KCNQ1: variants seen among roughly 807,000 people sequenced by gnomAD.
KCNQ1 encodes the protein potassium voltage-gated channel subfamily KQT member 1.
Under a neutral mutation model 72.4 loss-of-function variants are expected in KCNQ1, and 49 were observed. The observed-to-expected ratio is 0.68, with a 90% CI of 0.54 to 0.86. KCNQ1 has a LOEUF of 0.86. KCNQ1 is among the 40% of genes least tolerant of loss of function. The probability of loss-of-function intolerance (pLI) is 0.00; values close to 1 mark genes in which losing one functional copy is unlikely to be tolerated. For synonymous variants in KCNQ1, 450 were observed against 412.6 expected (o/e 1.09, Z -1.10); for missense variants, 790 against 945.1 (o/e 0.84, Z 2.15).
chr11:2,616,664 G>A (rs145196425), intron 10 of KCNQ1: 1 of 398,180 alleles, frequency 2.5e-6, no homozygotes, highest in Non-Finnish European at 4.4e-6. Context: ...TAAAGAGTGT[G>A]TAGTTTTATT....
At chr11:2,629,809 C>A in intron 10 of KCNQ1, 1 of 397,934 alleles carries the variant, frequency 2.5e-6, no homozygotes, top group Non-Finnish European at 4.4e-6. Context: ...ATTATTACTT[C>A]TAACAGGTTT....
intron 10 of KCNQ1, chr11:2,638,227 CT>C (rs1211986248): frequency 1.3e-5 from 2 of 152,152 alleles, no homozygotes. Flanking sequence ...ATGATGTTAG[CT>C]GGTTATTTTG....
chr11:2,452,671 T>G (rs1846133366), intron 1 of KCNQ1, among the ~76,000 whole-genome samples: 1 of 152,260 alleles, frequency 6.6e-6, no homozygotes. Flanking sequence ...GAGTCACGTC[T>G]GTGCTCTTGG....
chr11:2,610,825 C>A, intron 10 of KCNQ1: 1 of 370,948 alleles, frequency 2.7e-6, no homozygotes, highest in South Asian at 1.4e-4. Context: ...CCACATTTGT[C>A]TCCCTGACAC....
At position 2,678,859 on chromosome 11, in the gene KCNQ1, A is replaced by T. The variant is rs1015700383; in HGVS notation, c.1514+16778A>T. 1 of 398,640 alleles carries T rather than the reference A, an allele frequency of 2.5e-6. No individual in the cohort carries two copies. Among genetic ancestry groups the T allele is most frequent in the East Asian group, 3.6e-5 (1 of 28,078 alleles). The allele number at this position is 398,640 out of a possible 1,614,324, so 24.7% of individuals were successfully genotyped here. On this transcript the variant is annotated intron_variant, in intron 11 of 15. Coordinates refer to ENST00000155840, the MANE Select transcript of KCNQ1 (RefSeq NM_000218.3). This position sits in a 1 kb window ranked among gnomAD's most constrained non-coding sequence, Gnocchi z 4.9. ...AAGGCAGAATCCAGGTCGGGGGTGC[A>T]CAGGAGTTGCCAGCTGGACCCAAGG...
In KCNQ1 at chr11:2,661,791, T is replaced by C. The variant is rs1590014661; in HGVS notation, c.1394-170T>C. 2 of 761,524 alleles carry C rather than the reference T, an allele frequency of 2.6e-6. No individual in the cohort carries two copies. The highest frequency in any genetic ancestry group is 5.3e-5 in the East Asian group (2 of 37,416). 47.2% of individuals were successfully genotyped at this position (761,524 alleles called of 1,614,324 possible). On this transcript the variant is annotated intron_variant, in intron 10 of 15. Coordinates refer to ENST00000155840, the MANE Select transcript of KCNQ1 (RefSeq NM_000218.3). This position sits in a 1 kb window ranked among gnomAD's most constrained non-coding sequence, Gnocchi z 5.9. ...AGGTGTCAGGCACTTTGGGGCCATC[T>C]TAAACACCCACCCACCCCAACACCC...
chr11:2,847,638 G>A lies in KCNQ1; in HGVS notation c.1795-129G>A, dbSNP rs79788804. On this transcript the variant is annotated intron_variant, in intron 15 of 15. Transcript: ENST00000155840. ...TAGGGTGCACACGTGCGTGCCGCCT[G>A]CATACAGCATGCACTTGCAGAGACG... 0.072 allele frequency: 60,664 copies of A among 843,118 alleles called. 3,130 individuals are homozygous for A. The highest frequency in any genetic ancestry group is 0.2 in the Admixed American group (9,452 of 48,048). 52.2% of individuals were successfully genotyped at this position (843,118 alleles called of 1,614,324 possible).
chr11:2,755,171 C>T (rs1018410070), intron 11 of KCNQ1, among the ~76,000 whole-genome samples: 1 of 148,954 alleles, frequency 6.7e-6, no homozygotes, highest in Non-Finnish European at 1.5e-5. Context: ...CATGTTCCTC[C>T]TCTCTGACAT....
chr11:2,761,438 A>G (rs974519305), intron 11 of KCNQ1, among the ~76,000 whole-genome samples: 1 of 152,004 alleles, frequency 6.6e-6, no homozygotes, highest in African/African-American at 2.4e-5. Context: ...ACGGGATGGG[A>G]GCATGGCAGG....
chr11:2,577,462 CGGCCTGG>C (rs908920068), intron 6 of KCNQ1, among the ~76,000 whole-genome samples: 28 of 152,328 alleles, frequency 1.8e-4, no homozygotes, highest in Admixed American at 1.3e-3. Context: ...GGGGAAGACG[CGGCCTGG>C]GGCCTGGGTG....
chr11:2,802,495 G>A (rs573544989), intron 15 of KCNQ1, among the ~76,000 whole-genome samples: 2 of 152,352 alleles, frequency 1.3e-5, no homozygotes, highest in East Asian at 3.9e-4. Flanking sequence ...GACTCCAGGA[G>A]CTGGGGGCCT....
At chr11:2,587,452 C>A in intron 8 of KCNQ1, 118 bp from the exon 9 acceptor site, 1 of 1,456,780 alleles carries the variant, frequency 6.9e-7, no homozygotes, top group South Asian at 1.2e-5. Context: ...GTCCCAGACC[C>A]TGCCACCCAG....
At position 2,674,824 on chromosome 11, in the gene KCNQ1, C is replaced by T; in HGVS notation, c.1514+12743C>T. 2.8e-6 allele frequency: 1 copy of T among 354,882 alleles called. No individual in the cohort carries two copies. The highest frequency in any genetic ancestry group is 4.7e-6 in the Non-Finnish European group (1 of 214,996). The allele number at this position is 354,882 out of a possible 1,614,324, so 22.0% of individuals were successfully genotyped here. Reference sequence around the variant, plus strand: ...TTGGAAAGGCTTGTCACCCTAATAGCTGTTTTTTAAAAAAAAAAAAAAAAA... The same window carrying T: ...TTGGAAAGGCTTGTCACCCTAATAGTTGTTTTTTAAAAAAAAAAAAAAAAA... On this transcript the variant is annotated intron_variant, in intron 11 of 15. Coordinates refer to ENST00000155840, the MANE Select transcript of KCNQ1 (RefSeq NM_000218.3). The surrounding 1 kb of genome is among the most constrained non-coding windows in gnomAD (Gnocchi z 5.9).
chr11:2,558,110 T>A (rs1848098411), intron 2 of KCNQ1, among the ~76,000 whole-genome samples: 1 of 152,218 alleles, frequency 6.6e-6, no homozygotes, highest in Non-Finnish European at 1.5e-5. Context: ...ATGTGGGAAG[T>A]GCGGGCCCTG....
chr11:2,776,821 G>A (rs1167253878), intron 13 of KCNQ1, among the ~76,000 whole-genome samples, 165 bp from the exon 14 acceptor site: 1 of 152,236 alleles, frequency 6.6e-6, no homozygotes, highest in African/African-American at 2.4e-5. Context: ...GGCCCTCTGG[G>A]GGGTTGGGAG....
chr11:2,620,893 G>A lies in KCNQ1; in HGVS notation c.1393+32039G>A, dbSNP rs191050231. On this transcript the variant is annotated intron_variant, in intron 10 of 15. Transcript: ENST00000155840. This position sits in a 1 kb window ranked among gnomAD's most constrained non-coding sequence, Gnocchi z 4.5. ...TTTAATAATTGCCATTCTGACTGGT[G>A]TGAGATGGCATCCCATTATGGTTTG... is the stretch of plus-strand genomic sequence containing the variant. 1,832 of 396,836 alleles carry A rather than the reference G, an allele frequency of 4.6e-3. 6 individuals carry two copies. The highest frequency in any genetic ancestry group is 0.012 in the South Asian group (94 of 7,798). 24.6% of individuals were successfully genotyped at this position (396,836 alleles called of 1,614,324 possible). A position where few individuals can be genotyped will look rare whatever the true frequency, so the allele number is the denominator to read the frequency against.
chr11:2,801,779 G>A (rs1847271424), intron 15 of KCNQ1, among the ~76,000 whole-genome samples: 1 of 152,222 alleles, frequency 6.6e-6, no homozygotes, highest in African/African-American at 2.4e-5. Flanking sequence ...GTGAGGGAGG[G>A]GAGAGCTTGT....
chr11:2,635,650 G>C (rs1357387876), intron 10 of KCNQ1: 2 of 152,184 alleles, frequency 1.3e-5, no homozygotes, highest in African/African-American at 2.4e-5. Flanking sequence ...GCTTAGGATT[G>C]TCTTGGCAAT....
In KCNQ1 at chr11:2,481,064, T is replaced by C. The variant is rs1846643041; in HGVS notation, c.386+35580T>C. 6.6e-6 allele frequency among the ~76,000 whole-genome samples: 1 copy of C among 152,192 alleles called. No individual in the cohort carries two copies. The highest frequency in any genetic ancestry group is 6.5e-5 in the Admixed American group (1 of 15,280). On this transcript the variant is annotated intron_variant, in intron 1 of 15. Coordinates refer to ENST00000155840, the MANE Select transcript of KCNQ1 (RefSeq NM_000218.3). This position sits in a 1 kb window ranked among gnomAD's most constrained non-coding sequence, Gnocchi z 4.6. ...CGAAAGTTAGAAGAGAATTACCACA[T>C]CATGTTGGATTTCACTCATAGCCAC...
Sources: allele counts gnomAD v4.1 joint callset (sites outside exome capture counted in the v4.1 genomes callset), GRCh38; gene constraint gnomAD v4.1.1; non-coding constraint Gnocchi (gnomAD v3.1); transcripts MANE v1.5; gene names NCBI Gene and HGNC (gene_info 2026-07-23, HGNC 2026-07-21).